Variants in ZNF710 observed in about 807,000 individuals in gnomAD.
ZNF710 encodes zinc finger protein 710.
A neutral mutation model predicts 50.6 loss-of-function variants in ZNF710; 13 were observed. That is an observed-to-expected ratio of 0.26 (90% confidence interval 0.17 to 0.41). The LOEUF (loss-of-function observed/expected upper bound fraction) is 0.41, where lower values mean the gene tolerates loss of function less well. Ranked by LOEUF, ZNF710 falls within the 10% of genes least tolerant of loss-of-function variation. The pLI, the probability that ZNF710 is intolerant of heterozygous loss-of-function variation, is 1.00. For missense variants in ZNF710, 721 were observed against 936.6 expected (o/e 0.77, Z 3.01); for synonymous variants, 383 against 397.0 (o/e 0.96, Z 0.42).
intron 1 of ZNF710, among the ~76,000 whole-genome samples, chr15:90,037,333 A>C (rs1899159081): frequency 6.6e-6 from 1 of 152,256 alleles, no homozygotes; most frequent in East Asian, 1.9e-4. Flanking sequence ...TCCCAGGGCC[A>C]CTGGGACTGG....
chr15:90,026,535 TC>T lies in ZNF710; in HGVS notation c.-29+24923del, dbSNP rs1276884320. Among the ~76,000 whole-genome samples the T allele has an allele frequency of 1.1e-4, 17 of 152,248 alleles. No individual in the cohort carries two copies. In the East Asian group the frequency reaches 3.3e-3, roughly 29 times the overall value. The stretch of plus-strand genomic sequence containing the variant: ...GATAATACTGATAATGCTAAGCTGT[TC>T]CACAGCTTAGCAAAAGATGGAGAGC... On this transcript the variant is annotated intron_variant, in intron 1 of 4. Transcript: ENST00000268154.
chr15:90,005,982 T>C (rs62021960), intron 1 of ZNF710, among the ~76,000 whole-genome samples: 5 of 152,078 alleles, frequency 3.3e-5, no homozygotes, highest in Non-Finnish European at 7.4e-5. Context: ...TCAGGAACGA[T>C]GATGTGGTCA....
At chr15:90,050,190 C>A (rs1340626360) in intron 1 of ZNF710, among the ~76,000 whole-genome samples, 1 of 152,214 alleles carries the variant, frequency 6.6e-6, no homozygotes, top group Non-Finnish European at 1.5e-5. Context: ...AATCCGTACT[C>A]GAGCTGGGTG....
At chr15:90,038,372 CATT>C (rs1237090169) in intron 1 of ZNF710, among the ~76,000 whole-genome samples, 2 of 152,216 alleles carry the variant, frequency 1.3e-5, no homozygotes, top group African/African-American at 4.8e-5. Flanking sequence ...CAGATTCACT[CATT>C]GTTGCCATTT....
At chr15:90,006,290 A>G (rs17821347) in intron 1 of ZNF710, among the ~76,000 whole-genome samples, 3,835 of 152,272 alleles carry the variant, frequency 0.025, 81 homozygotes, top group Non-Finnish European at 0.036. Flanking sequence ...TAGTTGGCAT[A>G]TATTTGAAAC....
chr15:90,061,122 G>C (rs1899993304), intron 1 of ZNF710, among the ~76,000 whole-genome samples: 1 of 151,826 alleles, frequency 6.6e-6, no homozygotes, highest in South Asian at 2.1e-4. Context: ...CTGTCTATTG[G>C]TTGTTTTTGT....
intron 1 of ZNF710, among the ~76,000 whole-genome samples, chr15:90,051,025 G>C (rs939217322): frequency 6.6e-6 from 1 of 151,958 alleles, no homozygotes; most frequent in Non-Finnish European, 1.5e-5. Flanking sequence ...GATCACTTGA[G>C]GTCAGGAGTT....
At position 90,065,385 on chromosome 15, in the gene ZNF710, C is replaced by G. The variant is rs185892214; in HGVS notation, c.-28-1725C>G. Among the ~76,000 whole-genome samples the G allele has an allele frequency of 3.0e-3, 464 of 152,314 alleles. 5 individuals carry two copies. Among genetic ancestry groups the G allele is most frequent in the Non-Finnish European group, 1.5e-3 (102 of 68,034 alleles). Reference sequence around the variant, plus strand: ...CGCCCCAGTAATGCCATCCCCTCTCCTCAGATGTGCCAGGTGTTGAACCAG... The same window carrying G: ...CGCCCCAGTAATGCCATCCCCTCTCGTCAGATGTGCCAGGTGTTGAACCAG... On this transcript the variant is annotated intron_variant, in intron 1 of 4. Transcript: ENST00000268154.
chr15:90,008,422 G>GTATATATATATATAAA (rs1567218312), intron 1 of ZNF710, among the ~76,000 whole-genome samples: 1 of 126,982 alleles, frequency 7.9e-6, no homozygotes. Context: ...GTGTGTGTGT[G>GTATATATATATATAAA]TGTGTATATA....
intron 1 of ZNF710, among the ~76,000 whole-genome samples, chr15:90,007,993 G>A (rs535896310): frequency 1.1e-4 from 17 of 152,098 alleles, no homozygotes; most frequent in Non-Finnish European, 1.9e-4. Flanking sequence ...AACTGCTGCC[G>A]CACCAAAGGC....
chr15:90,064,198 C>T (rs895953405), intron 1 of ZNF710, among the ~76,000 whole-genome samples: 8 of 152,252 alleles, frequency 5.3e-5, no homozygotes, highest in African/African-American at 7.2e-5. Context: ...TGCTCCTCAG[C>T]GTGCTCTGCA....
intron 1 of ZNF710, among the ~76,000 whole-genome samples, chr15:90,019,658 TCCGGGCACAGCTGA>T (rs1331212214): frequency 6.6e-6 from 1 of 152,172 alleles, no homozygotes; most frequent in Non-Finnish European, 1.5e-5. Context: ...CCTGAGAGAC[TCCGGGCACAGCTGA>T]CCTAGGAAAG....
Position 90,034,614 on chromosome 15 carries a change from G to A in ZNF710, c.-28-32496G>A, listed in dbSNP as rs1303457197. Among the ~76,000 whole-genome samples, 4 of 152,076 alleles carry A rather than the reference G, an allele frequency of 2.6e-5. No homozygotes were observed. In the East Asian group the frequency reaches 7.7e-4, roughly 29 times the overall value. ...AGGGGAAGCCTGGCAGCTTGGCTGA[G>A]CCTCCTCCGGCCTCTGCCTCACCCG... is the stretch of plus-strand genomic sequence containing the variant. On this transcript the variant is annotated intron_variant, in intron 1 of 4. Transcript: ENST00000268154. This position sits in a 1 kb window ranked among gnomAD's most constrained non-coding sequence, Gnocchi z 4.0.
intron 1 of ZNF710, among the ~76,000 whole-genome samples, chr15:90,033,296 G>A (rs1203209688): frequency 1.3e-5 from 2 of 152,196 alleles, no homozygotes; most frequent in Non-Finnish European, 2.9e-5. Context: ...TAAGGATTAA[G>A]ATGAATCAAA....
chr15:90,046,624 G>C (rs1207415046), intron 1 of ZNF710, among the ~76,000 whole-genome samples: 1 of 152,168 alleles, frequency 6.6e-6, no homozygotes, highest in Non-Finnish European at 1.5e-5. Flanking sequence ...TAGAGGAAGA[G>C]TGTCAGTTGG....
At chr15:90,037,782 G>T (rs1899173506) in intron 1 of ZNF710, among the ~76,000 whole-genome samples, 1 of 152,208 alleles carries the variant, frequency 6.6e-6, no homozygotes, top group African/African-American at 2.4e-5. Flanking sequence ...AAAGATGAGG[G>T]ATGTCGGGCT....
chr15:90,018,459 C>T (rs978725674), intron 1 of ZNF710, among the ~76,000 whole-genome samples: 4 of 152,170 alleles, frequency 2.6e-5, no homozygotes, highest in Admixed American at 1.3e-4. Flanking sequence ...TGAGCCACCG[C>T]GCCCAGCTGG....
At chr15:90,074,743 A>C (rs1184553845) in intron 4 of ZNF710, 1 of 339,684 alleles carries the variant, frequency 2.9e-6, no homozygotes, top group African/African-American at 2.2e-5. Context: ...ATGGGAAAGA[A>C]AGTTAGAAAG....
chr15:90,006,242 T>A (rs1898138643), intron 1 of ZNF710, among the ~76,000 whole-genome samples: 1 of 152,164 alleles, frequency 6.6e-6, no homozygotes, highest in African/African-American at 2.4e-5. Flanking sequence ...ATGTAGGAGA[T>A]CTTTTTATGG....
Sources: allele counts gnomAD v4.1 joint callset (sites outside exome capture counted in the v4.1 genomes callset), GRCh38; gene constraint gnomAD v4.1.1; non-coding constraint Gnocchi (gnomAD v3.1); transcripts MANE v1.5; gene names NCBI Gene and HGNC (gene_info 2026-07-23, HGNC 2026-07-21).